Variants in PCDHGB5 observed in about 807,000 individuals in gnomAD.
PCDHGB5 encodes the protein protocadherin gamma subfamily B, 5.
A neutral mutation model predicts 62.9 loss-of-function variants in PCDHGB5; 48 were observed. The observed-to-expected ratio is 0.76, with a 90% CI of 0.61 to 0.97. The LOEUF (loss-of-function observed/expected upper bound fraction) is 0.97. PCDHGB5 is among the 50% of genes least tolerant of loss of function. PCDHGB5 has a pLI of 0.00. For missense variants in PCDHGB5, 1,118 were observed against 1,198.6 expected (o/e 0.93, Z 0.99); for synonymous variants, 474 against 511.2 (o/e 0.93, Z 0.98).
chr5:141,422,811 C>T (rs748248571), intron 1 of PCDHGB5: 1 of 1,614,248 alleles, frequency 6.2e-7, no homozygotes, highest in Non-Finnish European at 8.5e-7. Context: ...AGTTTCGAGA[C>T]TTAGAACTGA....
chr5:141,466,518 T>C (rs1430823209), intron 1 of PCDHGB5, among the ~76,000 whole-genome samples: 2 of 152,222 alleles, frequency 1.3e-5, no homozygotes, highest in Admixed American at 6.5e-5. Flanking sequence ...TCATTTTTTT[T>C]CCTCCCAAAT....
intron 1 of PCDHGB5, chr5:141,415,478 G>C: frequency 6.2e-7 from 1 of 1,614,082 alleles, no homozygotes; most frequent in Non-Finnish European, 8.5e-7. Flanking sequence ...GCGGACTCGC[G>C]AAAGAGTCAC....
Position 141,490,575 on chromosome 5 carries a change from A to G in PCDHGB5, c.2398-4232A>G. 2 of 1,614,140 alleles carry G rather than the reference A, an allele frequency of 1.2e-6. No individual in the cohort carries two copies. The highest frequency in any genetic ancestry group is 2.2e-5 in the East Asian group (1 of 44,876). Reference sequence around the variant, plus strand: ...ATCTCACCATCAGGCTCAACATTTCAGATGTCAATGACAATGCACCCCGCT... The same window carrying G: ...ATCTCACCATCAGGCTCAACATTTCGGATGTCAATGACAATGCACCCCGCT... On this transcript the variant is annotated intron_variant, in intron 1 of 3. Transcript: ENST00000617380. This position sits in a 1 kb window ranked among gnomAD's most constrained non-coding sequence, Gnocchi z 5.4.
intron 1 of PCDHGB5, chr5:141,424,411 C>T (rs1259102577): frequency 6.6e-6 from 1 of 152,154 alleles, no homozygotes; most frequent in Admixed American, 6.5e-5. Flanking sequence ...GGTGAAGTTA[C>T]ATTGACTGTT....
chr5:141,488,985 C>G lies in PCDHGB5; in HGVS notation c.2398-5822C>G, dbSNP rs574857958. On this transcript the variant is annotated intron_variant, in intron 1 of 3. Transcript: ENST00000617380. ...ACTTTTTGGCCAATCAGACTCAGAG[C>G]TGAGGTGGGAGATCTGCTCTTCCAG... The G allele has an allele frequency of 7.4e-6, 3 of 405,188 alleles. No homozygotes were observed. In the South Asian group the frequency reaches 2.4e-4, roughly 32 times the overall value. The allele number at this position is 405,188 out of a possible 1,614,324, so 25.1% of individuals were successfully genotyped here.
At chr5:141,407,703 G>T (rs1016806853) in intron 1 of PCDHGB5, among the ~76,000 whole-genome samples, 1 of 152,096 alleles carries the variant, frequency 6.6e-6, no homozygotes, top group Admixed American at 6.6e-5. Context: ...ATTGTTGAAG[G>T]TGGGGTGATG....
chr5:141,419,551 C>T lies in PCDHGB5; in HGVS notation c.2397+19027C>T, dbSNP rs772468979. Reference sequence around the variant, plus strand: ...ACGACAACGCACCGCGGGTGCTGTACCCTGCGCTGGGTCCCGACGGCTCCG... The same window carrying T: ...ACGACAACGCACCGCGGGTGCTGTATCCTGCGCTGGGTCCCGACGGCTCCG... On this transcript the variant is annotated intron_variant, in intron 1 of 3. Transcript: ENST00000617380. 7 of 1,611,916 alleles carry T rather than the reference C, an allele frequency of 4.3e-6. No individual in the cohort carries two copies. The Admixed American group carries it at 1.2e-4, about 27-fold the overall frequency.
intron 1 of PCDHGB5, chr5:141,418,573 C>T (rs749104686): frequency 6.2e-7 from 1 of 1,613,944 alleles, no homozygotes; most frequent in Non-Finnish European, 8.5e-7. Flanking sequence ...CCAATGACAA[C>T]CCCCCAGTGT....
chr5:141,403,489 C>T (rs187216481), intron 1 of PCDHGB5: 2 of 1,614,050 alleles, frequency 1.2e-6, no homozygotes, highest in East Asian at 2.2e-5. Flanking sequence ...ACCACTTCTC[C>T]CTGAACGTGC....
intron 1 of PCDHGB5, among the ~76,000 whole-genome samples, chr5:141,457,155 A>G (rs1403164805): frequency 1.3e-5 from 2 of 152,216 alleles, no homozygotes; most frequent in Admixed American, 6.5e-5. Flanking sequence ...AGAAGGTGCT[A>G]CCATGGATAA....
chr5:141,404,466 T>C lies in PCDHGB5; in HGVS notation c.2397+3942T>C, dbSNP rs536211455. ...CAAGGGTCTCCTCTCTCCACCTATG[T>C]CTCTATTAACTCAGACACTGGTGTG... On this transcript the variant is annotated intron_variant, in intron 1 of 3. Transcript: ENST00000617380. 28 of 1,613,558 alleles carry C rather than the reference T, an allele frequency of 1.7e-5. No individual in the cohort carries two copies. Among genetic ancestry groups the C allele is most frequent in the East Asian group, 2.2e-5 (1 of 44,882 alleles).
chr5:141,413,089 C>CTT, intron 1 of PCDHGB5: 1 of 1,401,124 alleles, frequency 7.1e-7, no homozygotes, highest in South Asian at 1.4e-5. Flanking sequence ...TACAGAGACA[C>CTT]CCTGAAGCCA....
intron 1 of PCDHGB5, chr5:141,478,642 T>C (rs777741719): frequency 6.4e-7 from 1 of 1,552,350 alleles, no homozygotes; most frequent in Non-Finnish European, 8.7e-7. Context: ...GTGATGAAGA[T>C]GTTTTCCTGG....
intron 1 of PCDHGB5, among the ~76,000 whole-genome samples, chr5:141,458,248 G>A (rs173682): frequency 3.3e-5 from 5 of 152,112 alleles, no homozygotes; most frequent in African/African-American, 9.7e-5. Flanking sequence ...AAAATGATAC[G>A]GCTCTGATGA....
intron 1 of PCDHGB5, chr5:141,417,918 T>C (rs1371704441): frequency 1.2e-6 from 2 of 1,605,528 alleles, no homozygotes; most frequent in Non-Finnish European, 8.5e-7. Context: ...CTATTTCCTT[T>C]GCTGCTGCCT....
rs575872277 is a variant in PCDHGB5, at chr5:141,511,848, G to A, written c.*675G>A. The A allele has an allele frequency of 6.4e-6, 1 of 156,684 alleles. No individual in the cohort carries two copies. The highest frequency in any genetic ancestry group is 2.0e-4 in the South Asian group (1 of 5,078). The allele number at this position is 156,684 out of a possible 1,614,324, so 9.7% of individuals were successfully genotyped here. A position where few individuals can be genotyped will look rare whatever the true frequency, so the allele number is the denominator to read the frequency against. ...GCCCTGGGGACCAGTCTTCTGTTTT[G>A]TTTTTCATTGTTTGACGTTTCCACT... On this transcript the variant is annotated 3_prime_UTR_variant, in exon 4 of 4. Transcript: ENST00000617380.
At chr5:141,426,879 G>C (rs1222564201) in intron 1 of PCDHGB5, 3 of 456,710 alleles carry the variant, frequency 6.6e-6, no homozygotes, top group Non-Finnish European at 1.3e-5. Context: ...GAAGCCCCTG[G>C]GCCAGGAGCA....
chr5:141,414,702 A>G, intron 1 of PCDHGB5: 1 of 1,613,974 alleles, frequency 6.2e-7, no homozygotes, highest in Non-Finnish European at 8.5e-7. Context: ...CCTCATACAT[A>G]TCCATCAACT....
In PCDHGB5 at chr5:141,431,955, GA is replaced by G; in HGVS notation, c.2397+31434del. ...CCCTTTAAATTAGAAAAATCTTACG[GA>G]AATTACTATAGTTTAGTCACAGACA... On this transcript the variant is annotated intron_variant, in intron 1 of 3. Coordinates refer to ENST00000617380, the MANE Select transcript of PCDHGB5 (RefSeq NM_018925.3). The surrounding 1 kb of genome is among the most constrained non-coding windows in gnomAD (Gnocchi z 4.8). The G allele has an allele frequency of 6.2e-7, 1 of 1,614,142 alleles. No homozygotes were observed. Among genetic ancestry groups the G allele is most frequent in the Non-Finnish European group, 8.5e-7 (1 of 1,180,024 alleles).
Sources: gnomAD v4.1 joint callset for allele counts (sites outside exome capture counted in the v4.1 genomes callset) on GRCh38, gnomAD v4.1.1 for gene constraint, Gnocchi (gnomAD v3.1) non-coding constraint, MANE v1.5 for transcripts, NCBI Gene and HGNC (gene_info 2026-07-23, HGNC 2026-07-21) for gene names.